Variants in GLIS3 observed in about 807,000 individuals in gnomAD.
The protein encoded by GLIS3 is GLIS family zinc finger 3, also known as zinc finger protein GLIS3.
GLIS3 carries 53 observed loss-of-function variants against 78.6 expected under a neutral mutation model. That is an observed-to-expected ratio of 0.67 (90% confidence interval 0.54 to 0.85). The LOEUF is 0.85. Among genes scored for constraint, GLIS3 ranks in the 40% least tolerant of loss-of-function variants. GLIS3 has a pLI of 0.00. For synonymous variants in GLIS3, 684 were observed against 509.9 expected (o/e 1.34, Z -4.60); for missense variants, 1,703 against 1,231.1 (o/e 1.38, Z -5.74).
At chr9:4,206,445 A>G (rs1472204518) in intron 2 of GLIS3, among the ~76,000 whole-genome samples, 1 of 152,214 alleles carries the variant, frequency 6.6e-6, no homozygotes, top group African/African-American at 2.4e-5. Context: ...GAAAGTCATG[A>G]TAATATAAAA....
chr9:4,481,668 T>C, the GLIS3 span, among the ~76,000 whole-genome samples: 24,660 of 152,096 alleles, frequency 0.16, 2,318 homozygotes, highest in African/African-American at 0.25. Context: ...ACTTAATCTT[T>C]AGCCAGTTCA....
intron 2 of GLIS3, among the ~76,000 whole-genome samples, chr9:4,327,475 G>A (rs942013305): frequency 6.6e-6 from 1 of 152,188 alleles, no homozygotes; most frequent in African/African-American, 2.4e-5. Context: ...GTGCACTAGG[G>A]AAGTCCTGGA....
chr9:3,964,434 C>G (rs1170776181), intron 4 of GLIS3, among the ~76,000 whole-genome samples: 1 of 152,148 alleles, frequency 6.6e-6, no homozygotes, highest in Non-Finnish European at 1.5e-5. Context: ...CAAAAAGGAA[C>G]AAATGAAGAG....
the GLIS3 span, among the ~76,000 whole-genome samples, chr9:4,402,509 G>A: frequency 0.014 from 2,108 of 152,226 alleles, 49 homozygotes; most frequent in African/African-American, 0.047. Flanking sequence ...CTGGAGAAAT[G>A]GAGATATGTG....
chr9:3,971,262 C>G (rs963915202), intron 4 of GLIS3, among the ~76,000 whole-genome samples: 1 of 152,138 alleles, frequency 6.6e-6, no homozygotes, highest in Non-Finnish European at 1.5e-5. Context: ...CATGAAGACA[C>G]TACACACTTT....
intron 4 of GLIS3, among the ~76,000 whole-genome samples, chr9:3,946,179 T>C (rs1346104640): frequency 6.6e-6 from 1 of 152,152 alleles, no homozygotes; most frequent in African/African-American, 2.4e-5. Context: ...TTGCTAACAC[T>C]TGGAAATATA....
rs117813758 is a variant in GLIS3 at position 3,906,128 on chromosome 9, T to C, written c.1984-7293A>G. Among the ~76,000 whole-genome samples the C allele has an allele frequency of 3.7e-3, 566 of 152,218 alleles. 1 individual carries two copies. Among genetic ancestry groups the C allele is most frequent in the Admixed American group, 0.01 (157 of 15,294 alleles). On this transcript the variant is annotated intron_variant, in intron 6 of 10. Transcript: ENST00000381971. ...GGTGCAGGATGCAGGGCTGGACAAA[T>C]TGCCAGAGGTCAGATCATGTGAGGC... is the stretch of plus-strand genomic sequence containing the variant.
chr9:4,203,099 A>T lies in GLIS3; in HGVS notation c.389-77158T>A, dbSNP rs147810302. On this transcript the variant is annotated intron_variant, in intron 2 of 10. Transcript: ENST00000381971. ...ATCTGACAAAGATCTAATATCCAGA[A>T]TCTACAAAGAACTTAAACAATTGAA... 9.4e-3 allele frequency among the ~76,000 whole-genome samples: 1,434 copies of T among 152,350 alleles called. 11 individuals are homozygous for T. Among genetic ancestry groups the T allele is most frequent in the Admixed American group, 0.013 (205 of 15,310 alleles).
intron 2 of GLIS3, among the ~76,000 whole-genome samples, chr9:4,321,269 A>C (rs550429356): frequency 1.5e-5 from 2 of 130,736 alleles, no homozygotes; most frequent in Non-Finnish European, 3.1e-5. Context: ...AAATACAAAA[A>C]AAATTAGCCG....
the GLIS3 span, among the ~76,000 whole-genome samples, chr9:4,397,183 G>A: frequency 6.4e-5 from 9 of 140,630 alleles, no homozygotes; most frequent in South Asian, 2.3e-4. Context: ...CCGCCACTAC[G>A]CCCGGCTAAT....
intron 2 of GLIS3, among the ~76,000 whole-genome samples, chr9:4,274,901 G>A (rs573472404): frequency 2.6e-5 from 4 of 152,294 alleles, no homozygotes; most frequent in African/African-American, 7.2e-5. Flanking sequence ...TTATACTTGA[G>A]TAGCAAGGTC....
At chr9:4,326,967 T>G (rs1817609892) in intron 2 of GLIS3, among the ~76,000 whole-genome samples, 1 of 152,214 alleles carries the variant, frequency 6.6e-6, no homozygotes, top group South Asian at 2.1e-4. Flanking sequence ...CTTATTGAGT[T>G]GCCTGTGCTG....
intron 4 of GLIS3, among the ~76,000 whole-genome samples, chr9:3,979,560 G>A (rs1244726129): frequency 3.3e-5 from 5 of 152,118 alleles, no homozygotes; most frequent in Non-Finnish European, 5.9e-5. Flanking sequence ...TTTCTTAATT[G>A]TTCTGAGTAC....
At chr9:4,260,104 A>T (rs1825368890) in intron 2 of GLIS3, among the ~76,000 whole-genome samples, 1 of 152,222 alleles carries the variant, frequency 6.6e-6, no homozygotes, top group Admixed American at 6.5e-5. Flanking sequence ...CCAAATCCCC[A>T]TACCCTTCAG....
Position 3,892,874 on chromosome 9 carries a change from T to G in GLIS3, c.2128+5817A>C, listed in dbSNP as rs536146888. Among the ~76,000 whole-genome samples, 6 of 152,338 alleles carry G rather than the reference T, an allele frequency of 3.9e-5. No individual in the cohort carries two copies. In the South Asian group the frequency reaches 8.3e-4, roughly 21 times the overall value. ...TCTGTTTTGCCACCTTCTTAAGACC[T>G]GCTTCAGGTACACCTCAGAGTATAA... is the stretch of plus-strand genomic sequence containing the variant. On this transcript the variant is annotated intron_variant, in intron 7 of 10. Coordinates refer to ENST00000381971, the MANE Select transcript of GLIS3 (RefSeq NM_001042413.2).
the GLIS3 span, among the ~76,000 whole-genome samples, chr9:4,440,733 G>A: frequency 6.6e-6 from 1 of 152,122 alleles, no homozygotes; most frequent in Non-Finnish European, 1.5e-5. Flanking sequence ...CATTGATTTT[G>A]TAGATCACTT....
intron 6 of GLIS3, among the ~76,000 whole-genome samples, chr9:3,903,490 G>A (rs1823459120): frequency 1.3e-5 from 2 of 152,190 alleles, no homozygotes; most frequent in Admixed American, 6.5e-5. Context: ...TGTAATCTAT[G>A]TGAACGGCGT....
At position 3,921,454 on chromosome 9, in the gene GLIS3, T is replaced by C. The variant is rs901501087; in HGVS notation, c.1983+10906A>G. Among the ~76,000 whole-genome samples, 4 of 152,172 alleles carry C rather than the reference T, an allele frequency of 2.6e-5. No homozygotes were observed. The East Asian group carries it at 7.7e-4, about 29-fold the overall frequency. ...AAGATTCAAACTCAGTCAGGCACAGTTCCAAAGCCTTACTTGTCCTTTACA... is the reference window on the plus strand; with the variant it reads ...AAGATTCAAACTCAGTCAGGCACAGCTCCAAAGCCTTACTTGTCCTTTACA... On this transcript the variant is annotated intron_variant, in intron 6 of 10. Transcript: ENST00000381971.
chr9:4,167,533 C>G (rs1156729599), intron 2 of GLIS3, among the ~76,000 whole-genome samples: 4 of 152,192 alleles, frequency 2.6e-5, no homozygotes, highest in African/African-American at 9.6e-5. Flanking sequence ...AGTACATTCT[C>G]CATGCCTGAC....
Sources: gnomAD v4.1 joint callset for allele counts (sites outside exome capture counted in the v4.1 genomes callset) on GRCh38, gnomAD v4.1.1 for gene constraint, MANE v1.5 for transcripts, NCBI Gene and HGNC (gene_info 2026-07-23, HGNC 2026-07-21) for gene names.